The following HOXC6 variants were observed in gnomAD, a reference collection of about 807,000 sequenced individuals.
HOXC6 encodes homeobox C6.
A neutral mutation model predicts 24.0 loss-of-function variants in HOXC6; 10 were observed. The ratio of observed to expected loss-of-function variants is 0.42; its 90% CI spans 0.26 to 0.71. The LOEUF (loss-of-function observed/expected upper bound fraction) is 0.71. Ranked by LOEUF, HOXC6 falls within the 30% of genes least tolerant of loss-of-function variation. HOXC6 has a pLI of 0.28. For synonymous variants in HOXC6, 123 were observed against 128.1 expected, an observed-to-expected ratio of 0.96 and a Z score of 0.27; for missense variants, 258 against 303.4, an observed-to-expected ratio of 0.85 and a Z score of 1.11.
Position 54,029,945 on chromosome 12 carries a change from G to T in HOXC6, c.691G>T (p.Glu231Ter). Residue 231 changes from glutamate to a stop codon, truncating the protein, a stop_gained, in exon 2 of 2, where the codon GAG becomes TAG. Transcript: ENST00000243108. LOFTEE classifies it high-confidence loss of function. ...KEEKREETEE[E>*]KQKE ...GGAAAAGCGGGAAGAGACAGAAGAG[G>T]AGAAGCAGAAAGAGTGACCAGGACT... The T allele has an allele frequency of 6.3e-7, 1 of 1,585,350 alleles. No individual in the cohort carries two copies. The highest frequency in any genetic ancestry group is 1.1e-5 in the South Asian group (1 of 87,820).
upstream of HOXC6, chr12:54,028,391 G>A (rs1246916499): frequency 2.0e-6 from 2 of 992,590 alleles, no homozygotes; most frequent in Non-Finnish European, 2.9e-6. Context: ...GGCTGGGAGG[G>A]GGTCAGCTGA....
At chr12:54,027,776 C>T (rs145286955), upstream of HOXC6, among the ~76,000 whole-genome samples, 634 of 152,284 alleles carry the variant, frequency 4.2e-3, 5 homozygotes, top group African/African-American at 0.014. Flanking sequence ...TCCAGCTCTG[C>T]CACTGTACCC....
chr12:54,019,613 T>G (rs979499808), intron 1 of HOXC6, among the ~76,000 whole-genome samples: 22 of 152,002 alleles, frequency 1.4e-4, no homozygotes, highest in Non-Finnish European at 3.2e-4. Flanking sequence ...AAGAAAACCT[T>G]TTCCAGAGAA....
chr12:54,019,182 C>T (rs1940307868), intron 1 of HOXC6, among the ~76,000 whole-genome samples: 1 of 135,550 alleles, frequency 7.4e-6, no homozygotes, highest in Admixed American at 7.2e-5. Context: ...CCCCCACCCC[C>T]CCACCCCCAG....
upstream of HOXC6, among the ~76,000 whole-genome samples, chr12:54,027,348 G>C (rs1036277489): frequency 1.2e-4 from 18 of 152,206 alleles, no homozygotes; most frequent in African/African-American, 4.3e-4. Flanking sequence ...GCGGTGCCCT[G>C]AGTCTGGAGG....
rs1290076597 is a variant in HOXC6, at chr12:54,030,140, C to CA, written c.*180dup. The CA allele has an allele frequency of 1.7e-6, 1 of 602,144 alleles. No homozygotes were observed. The highest frequency in any genetic ancestry group is 2.8e-6 in the Non-Finnish European group (1 of 351,100). The allele number at this position is 602,144 out of a possible 1,614,324, so 37.3% of individuals were successfully genotyped here. A position where few individuals can be genotyped will look rare whatever the true frequency, so the allele number is the denominator to read the frequency against. On this transcript the variant is annotated 3_prime_UTR_variant, in exon 2 of 2. Transcript: ENST00000243108. ...GCTCTGGACCCCCTCCCTCACCGCA[C>CA]AACTCTCTTTCACCACGCGCCTCCT...
At chr12:54,026,976 G>GAA (rs370870516), upstream of HOXC6, among the ~76,000 whole-genome samples, 2 of 143,184 alleles carry the variant, frequency 1.4e-5, no homozygotes, top group Non-Finnish European at 3.1e-5. Flanking sequence ...GGGGGGGGGG[G>GAA]ATATGAGCTT....
upstream of HOXC6, among the ~76,000 whole-genome samples, chr12:54,025,411 C>T (rs569258430): frequency 4.0e-5 from 6 of 151,852 alleles, no homozygotes; most frequent in Admixed American, 3.3e-4. Context: ...GAAGATCGGG[C>T]TCATCTGACC....
upstream of HOXC6, among the ~76,000 whole-genome samples, chr12:54,025,535 GGGGA>G (rs10598643): frequency 0.4 from 41,456 of 103,320 alleles, 7,411 homozygotes; most frequent in East Asian, 0.48. Context: ...ATTGGGGGGG[GGGGA>G]GGTGTTGAAA....
At chr12:54,021,797 G>C (rs1940460035) in intron 1 of HOXC6, 1 of 152,506 alleles carries the variant, frequency 6.6e-6, no homozygotes, top group Non-Finnish European at 1.5e-5. Flanking sequence ...TGTTTATTGT[G>C]TCTGTGAGTT....
chr12:54,019,360 C>A (rs942688396), intron 1 of HOXC6, among the ~76,000 whole-genome samples: 1 of 152,162 alleles, frequency 6.6e-6, no homozygotes, highest in African/African-American at 2.4e-5. Flanking sequence ...TGATGCCCCG[C>A]GGATCCAGCC....
At chr12:54,029,412 C>CA (rs1491568485) in intron 1 of HOXC6, among the ~76,000 whole-genome samples, 1 of 46,100 alleles carries the variant, frequency 2.2e-5, no homozygotes, top group East Asian at 1.6e-3. Context: ...CGCCCCCCCG[C>CA]CCCCCCCCCC....
intron 1 of HOXC6, 96 bp downstream of exon 1, chr12:54,029,017 C>A: frequency 8.3e-7 from 1 of 1,207,956 alleles, no homozygotes; most frequent in Non-Finnish European, 1.1e-6. Context: ...TTTTTATGGC[C>A]CCATAAAAAC....
intron 1 of HOXC6, among the ~76,000 whole-genome samples, chr12:54,023,060 T>G (rs1940521994): frequency 6.6e-6 from 1 of 152,208 alleles, no homozygotes; most frequent in Non-Finnish European, 1.5e-5. Flanking sequence ...CCCCCTCAAG[T>G]GTCCCTAGGC....
intron 1 of HOXC6, among the ~76,000 whole-genome samples, 182 bp downstream of exon 1, chr12:54,029,103 GC>G (rs1460794656): frequency 1.3e-5 from 2 of 152,142 alleles, no homozygotes; most frequent in Non-Finnish European, 2.9e-5. Context: ...GCTTGCAGGG[GC>G]CTGGCCCCCT....
upstream of HOXC6, among the ~76,000 whole-genome samples, chr12:54,023,689 C>T (rs1245528787): frequency 1.3e-5 from 2 of 152,214 alleles, no homozygotes; most frequent in Non-Finnish European, 2.9e-5. Flanking sequence ...ATTAGCACCC[C>T]CAAATGATAT....
chr12:54,024,728 T>G (rs1405817302), upstream of HOXC6, among the ~76,000 whole-genome samples: 1 of 148,326 alleles, frequency 6.7e-6, no homozygotes, highest in East Asian at 2.0e-4. Context: ...TAAAGGGGAG[T>G]AAGGCTGGAG....
chr12:54,025,417 T>C (rs1940646263), upstream of HOXC6, among the ~76,000 whole-genome samples: 1 of 152,004 alleles, frequency 6.6e-6, no homozygotes, highest in Non-Finnish European at 1.5e-5. Flanking sequence ...CGGGCTCATC[T>C]GACCTGCTCT....
upstream of HOXC6, among the ~76,000 whole-genome samples, chr12:54,026,411 C>T (rs7305320): frequency 0.029 from 4,443 of 152,308 alleles, 98 homozygotes; most frequent in Non-Finnish European, 0.041. Flanking sequence ...ACATTGGTGT[C>T]TATGTTTGTG....
Sources: gnomAD v4.1 joint callset for allele counts (sites outside exome capture counted in the v4.1 genomes callset) on GRCh38, gnomAD v4.1.1 for gene constraint, MANE v1.5 for transcripts, NCBI Gene and HGNC (gene_info 2026-07-23, HGNC 2026-07-21) for gene names.